The following KCND3 variants were observed in gnomAD, a reference collection of about 807,000 sequenced individuals.
KCND3 encodes potassium voltage-gated channel subfamily D member 3, also known as A-type voltage-gated potassium channel KCND3.
Under a neutral mutation model 51.1 loss-of-function variants are expected in KCND3, and 9 were observed. That is an observed-to-expected ratio of 0.18 (90% CI 0.11 to 0.31). The LOEUF (loss-of-function observed/expected upper bound fraction) is 0.31, where lower values mean the gene tolerates loss of function less well. KCND3 is among the 10% of genes least tolerant of loss of function. The pLI is 1.00. For synonymous variants in KCND3, 349 were observed against 368.0 expected (o/e 0.95, Z 0.59); for missense variants, 526 against 903.8 (o/e 0.58, Z 5.36).
At chr1:111,859,087 C>G (rs1314758064) in intron 2 of KCND3, among the ~76,000 whole-genome samples, 1 of 152,170 alleles carries the variant, frequency 6.6e-6, no homozygotes, top group Non-Finnish European at 1.5e-5. Flanking sequence ...TTCAAAAAAG[C>G]AAATTTGATC....
chr1:111,828,726 C>A (rs1036874159), intron 2 of KCND3, among the ~76,000 whole-genome samples: 1 of 152,208 alleles, frequency 6.6e-6, no homozygotes, highest in Non-Finnish European at 1.5e-5. Flanking sequence ...AGCTCTCTGT[C>A]CTTTTACTCG....
chr1:111,907,239 G>C (rs1670690753), intron 2 of KCND3, among the ~76,000 whole-genome samples: 1 of 152,230 alleles, frequency 6.6e-6, no homozygotes, highest in African/African-American at 2.4e-5. Flanking sequence ...ATGCAGAAGA[G>C]TTAAAAGGCA....
intron 2 of KCND3, among the ~76,000 whole-genome samples, chr1:111,974,387 C>A (rs1384597212): frequency 1.3e-5 from 2 of 149,236 alleles, no homozygotes; most frequent in South Asian, 4.3e-4. Flanking sequence ...AAAAAAAAAA[C>A]TTGGACATCA....
intron 2 of KCND3, among the ~76,000 whole-genome samples, chr1:111,871,990 A>G (rs151067069): frequency 6.2e-4 from 94 of 152,334 alleles, no homozygotes; most frequent in Middle Eastern, 3.4e-3. Context: ...CAGTACCGTC[A>G]AGAGCAAGTT....
At chr1:111,932,023 C>T (rs889537342) in intron 2 of KCND3, among the ~76,000 whole-genome samples, 2 of 152,200 alleles carry the variant, frequency 1.3e-5, no homozygotes, top group African/African-American at 4.8e-5. Flanking sequence ...CTGGGTTAGC[C>T]CTTGGCTTGT....
chr1:111,913,448 A>G (rs1237856113), intron 2 of KCND3, among the ~76,000 whole-genome samples: 1 of 152,238 alleles, frequency 6.6e-6, no homozygotes, highest in East Asian at 1.9e-4. Context: ...AGCCCTAAAC[A>G]AAAGGCAGTG....
At chr1:111,949,131 C>T (rs1672931814) in intron 2 of KCND3, among the ~76,000 whole-genome samples, 3 of 152,140 alleles carry the variant, frequency 2.0e-5, no homozygotes, top group East Asian at 3.9e-4. Context: ...TGTGCAAGTC[C>T]AACTAAATGG....
At chr1:111,952,798 T>G (rs1484522388) in intron 2 of KCND3, among the ~76,000 whole-genome samples, 1 of 152,128 alleles carries the variant, frequency 6.6e-6, no homozygotes, top group African/African-American at 2.4e-5. Flanking sequence ...CCACTCCCAT[T>G]AGGCTTGAAA....
chr1:111,804,858 G>A (rs1269308662), intron 2 of KCND3, among the ~76,000 whole-genome samples: 1 of 152,222 alleles, frequency 6.6e-6, no homozygotes, highest in Admixed American at 6.5e-5. Flanking sequence ...TGCCCGGGCG[G>A]TCTGCCTCAG....
chr1:111,960,613 A>G (rs1029774077), intron 2 of KCND3, among the ~76,000 whole-genome samples: 4 of 152,206 alleles, frequency 2.6e-5, no homozygotes, highest in Non-Finnish European at 5.9e-5. Flanking sequence ...ACTGGGGAAA[A>G]CTTGGGCCAG....
chr1:111,861,016 T>C (rs1668313588), intron 2 of KCND3, among the ~76,000 whole-genome samples: 1 of 151,974 alleles, frequency 6.6e-6, no homozygotes, highest in Non-Finnish European at 1.5e-5. Context: ...TCTCACCATC[T>C]CCCATTTCCA....
chr1:111,826,613 G>T (rs978503170), intron 2 of KCND3, among the ~76,000 whole-genome samples: 9 of 152,124 alleles, frequency 5.9e-5, no homozygotes, highest in Admixed American at 4.6e-4. Flanking sequence ...GGGTCAAGAG[G>T]TCACTCACAG....
At chr1:111,824,122 A>G (rs1467620823) in intron 2 of KCND3, among the ~76,000 whole-genome samples, 2 of 145,588 alleles carry the variant, frequency 1.4e-5, no homozygotes, top group Non-Finnish European at 3.0e-5. Context: ...CCAACTCCAA[A>G]AAAAAAAAAA....
intron 2 of KCND3, among the ~76,000 whole-genome samples, chr1:111,788,218 G>A (rs1664690546): frequency 6.6e-6 from 1 of 152,204 alleles, no homozygotes; most frequent in South Asian, 2.1e-4. Flanking sequence ...TGAGATAATT[G>A]AAAGGCCTTA....
chr1:111,974,370 A>T (rs777566640), intron 2 of KCND3, among the ~76,000 whole-genome samples: 38 of 127,506 alleles, frequency 3.0e-4, no homozygotes, highest in Non-Finnish European at 5.8e-4. Context: ...TGTTTCCCAG[A>T]TTAAAAAAAA....
intron 2 of KCND3, among the ~76,000 whole-genome samples, chr1:111,863,084 T>C (rs1668406138): frequency 6.6e-6 from 1 of 152,248 alleles, no homozygotes; most frequent in African/African-American, 2.4e-5. Context: ...AATACATTTA[T>C]TGAATTGTTA....
chr1:111,974,388 T>C (rs1378607962), intron 2 of KCND3, among the ~76,000 whole-genome samples: 2 of 151,658 alleles, frequency 1.3e-5, no homozygotes, highest in African/African-American at 4.8e-5. Context: ...AAAAAAAAAC[T>C]TGGACATCAC....
intron 2 of KCND3, among the ~76,000 whole-genome samples, chr1:111,947,843 T>G (rs1243673316): frequency 6.6e-6 from 1 of 152,174 alleles, no homozygotes; most frequent in Non-Finnish European, 1.5e-5. Flanking sequence ...ATAATTGTTG[T>G]TCGATTAGTT....
rs530290400 is a variant in KCND3 at position 111,825,371 on chromosome 1, A to G, written c.1107-38265T>C. Among the ~76,000 whole-genome samples the G allele has an allele frequency of 6.3e-4, 96 of 152,308 alleles. 4 individuals carry two copies. The South Asian group carries it at 0.02, about 32-fold the overall frequency. ...GCCGCACATACTTCCCAGGCAGCACACTAATCTCTGCCATGTTCACACAGT... is the reference window on the plus strand; with the variant it reads ...GCCGCACATACTTCCCAGGCAGCACGCTAATCTCTGCCATGTTCACACAGT... On this transcript the variant is annotated intron_variant, in intron 2 of 7. Transcript: ENST00000302127.
Sources: gnomAD v4.1 joint callset for allele counts (sites outside exome capture counted in the v4.1 genomes callset) on GRCh38, gnomAD v4.1.1 for gene constraint, MANE v1.5 for transcripts, NCBI Gene and HGNC (gene_info 2026-07-23, HGNC 2026-07-21) for gene names.